WNT8A: variants seen among roughly 807,000 people sequenced by gnomAD.
WNT8A encodes the protein protein Wnt-8a.
WNT8A carries 14 observed loss-of-function variants against 20.5 expected under a neutral mutation model. The observed-to-expected ratio is 0.68, with a 90% CI of 0.45 to 1.07. The LOEUF (loss-of-function observed/expected upper bound fraction) is 1.07, where lower values mean the gene tolerates loss of function less well. Ranked by LOEUF, WNT8A falls within the 50% of genes least tolerant of loss-of-function variation. The pLI is 0.00. For missense variants in WNT8A, 397 were observed against 462.9 expected (o/e 0.86, Z 1.31); for synonymous variants, 167 against 169.2 (o/e 0.99, Z 0.10).
intron 2 of WNT8A, among the ~76,000 whole-genome samples, chr5:138,086,945 C>T (rs1750684463): frequency 6.6e-6 from 1 of 151,062 alleles, no homozygotes; most frequent in Non-Finnish European, 1.5e-5. Context: ...ACTCAGGAGG[C>T]TGAGGCACGA....
intron 2 of WNT8A, 89 bp downstream of exon 2, chr5:138,084,725 C>T (rs1274788079): frequency 2.8e-6 from 4 of 1,412,854 alleles, no homozygotes; most frequent in Admixed American, 2.6e-5. Flanking sequence ...ACATGTATTG[C>T]ACAGTGAAAT....
At chr5:138,088,689 C>G (rs1042885297) in intron 3 of WNT8A, among the ~76,000 whole-genome samples, 1 of 152,088 alleles carries the variant, frequency 6.6e-6, no homozygotes, top group Non-Finnish European at 1.5e-5. Context: ...CATCTGTTAG[C>G]CCCCAGTGTA....
downstream of WNT8A, chr5:138,091,662 C>T (rs1011052864): frequency 3.0e-5 from 15 of 506,752 alleles, no homozygotes; most frequent in Non-Finnish European, 4.1e-5. Flanking sequence ...ACCATCTCTA[C>T]ACAAAATTTA....
upstream of WNT8A, among the ~76,000 whole-genome samples, chr5:138,083,038 T>C (rs552866439): frequency 6.6e-6 from 1 of 152,186 alleles, no homozygotes; most frequent in African/African-American, 2.4e-5. Context: ...TCCCAGCATT[T>C]TGGGAGGCCA....
chr5:138,091,434 A>C lies in WNT8A; in HGVS notation c.*361A>C. The C allele has an allele frequency of 7.4e-7, 1 of 1,359,854 alleles. No homozygotes were observed. The highest frequency in any genetic ancestry group is 2.1e-4 in the Middle Eastern group (1 of 4,806). 84.2% of individuals were successfully genotyped at this position (1,359,854 alleles called of 1,614,324 possible). On this transcript the variant is annotated 3_prime_UTR_variant, in exon 5 of 5. Coordinates refer to ENST00000506684, the MANE Select transcript of WNT8A (RefSeq NM_001300939.2). ...TCCTTTAAATTTCAGACCATGTCCA[A>C]CCCAGCTGTGCTGCTGGGAATCAGG...
intron 4 of WNT8A, among the ~76,000 whole-genome samples, chr5:138,089,716 C>G (rs1467669262): frequency 6.6e-6 from 1 of 152,192 alleles, no homozygotes; most frequent in Non-Finnish European, 1.5e-5. Context: ...GGCTGAAGTG[C>G]AGTGGTGCCA....
At chr5:138,077,624 A>G in the WNT8A span, among the ~76,000 whole-genome samples, 1 of 152,198 alleles carries the variant, frequency 6.6e-6, no homozygotes, top group South Asian at 2.1e-4. Flanking sequence ...TCTGTGTCCT[A>G]TCCAGAGATG....
upstream of WNT8A, among the ~76,000 whole-genome samples, chr5:138,079,526 T>C (rs544969404): frequency 9.2e-4 from 140 of 152,154 alleles, no homozygotes; most frequent in Middle Eastern, 6.8e-3. Flanking sequence ...CAAGTCTACA[T>C]TGGCAGTTTG....
intron 2 of WNT8A, among the ~76,000 whole-genome samples, chr5:138,085,062 G>A (rs746863804): frequency 2.6e-5 from 4 of 151,960 alleles, no homozygotes; most frequent in African/African-American, 4.8e-5. Context: ...TCAGCCTCCC[G>A]AGTAGCTGGG....
At chr5:138,082,695 T>C (rs953934843), upstream of WNT8A, among the ~76,000 whole-genome samples, 1 of 151,420 alleles carries the variant, frequency 6.6e-6, no homozygotes, top group Non-Finnish European at 1.5e-5. Flanking sequence ...CCGGCCAACA[T>C]GGTGAAACCC....
At chr5:138,092,329 T>C (rs1471027978), downstream of WNT8A, 1 of 152,170 alleles carries the variant, frequency 6.6e-6, no homozygotes, top group African/African-American at 2.4e-5. Flanking sequence ...CAATACAGAC[T>C]CCCAGAATTA....
At chr5:138,082,833 T>G (rs536640948), upstream of WNT8A, among the ~76,000 whole-genome samples, 1 of 151,058 alleles carries the variant, frequency 6.6e-6, no homozygotes, top group South Asian at 2.1e-4. Flanking sequence ...GCCGAGATCA[T>G]GCCACTGCAC....
rs780726900 is a variant in WNT8A at position 138,090,620 on chromosome 5, C to G, written c.657C>G (p.Phe219Leu). 1 of 1,614,144 alleles carries G rather than the reference C, an allele frequency of 6.2e-7. No homozygotes were observed. The highest frequency in any genetic ancestry group is 8.5e-7 in the Non-Finnish European group (1 of 1,180,030). Residue 219 changes from phenylalanine (F) to leucine (L), a missense_variant, in exon 5 of 5, where the codon TTC becomes TTG. Physicochemically the swap from Phe to Leu is conservative, Grantham distance 22 (BLOSUM62 0). Transcript: ENST00000506684. ...CATGCTGGCTGCAGCTGGCTGAATT[C>G]CGGGAGATGGGAGACTACCTAAAGG... ...IQTCWLQLAEFREMGDYLKAK... is the reference protein window; with the variant it reads ...IQTCWLQLAELREMGDYLKAK...
At chr5:138,089,375 A>G (rs563766846) in intron 4 of WNT8A, among the ~76,000 whole-genome samples, 3 of 152,126 alleles carry the variant, frequency 2.0e-5, no homozygotes, top group East Asian at 1.9e-4. Flanking sequence ...CCTTGCTTCT[A>G]TGACTTAAAT....
chr5:138,087,901 G>A lies in WNT8A; in HGVS notation c.391G>A (p.Gly131Ser), dbSNP rs1750723214. 8.1e-6 allele frequency: 13 copies of A among 1,613,972 alleles called. No individual in the cohort carries two copies. The highest frequency in any genetic ancestry group is 1.0e-5 in the Non-Finnish European group (12 of 1,179,918). ...TAGCATGGGTGACTTCGAAAACTGTGGCTGTGATGGGTCAAACAATGGAAA... is the reference window on the plus strand; with the variant it reads ...TAGCATGGGTGACTTCGAAAACTGTAGCTGTGATGGGTCAAACAATGGAAA... ...NCSMGDFENCGCDGSNNGKTG... is the reference protein window; with the variant it reads ...NCSMGDFENCSCDGSNNGKTG... Residue 131 changes from glycine (G) to serine (S), a missense_variant, in exon 3 of 5, where the codon GGC becomes AGC. Transcript: ENST00000506684.
the WNT8A span, among the ~76,000 whole-genome samples, chr5:138,077,885 A>G: frequency 2.0e-5 from 3 of 152,064 alleles, no homozygotes; most frequent in Non-Finnish European, 4.4e-5. Context: ...AAAGAAACAT[A>G]CTTGGCAACA....
intron 3 of WNT8A, among the ~76,000 whole-genome samples, chr5:138,088,349 T>C (rs1019018188): frequency 4.7e-5 from 7 of 149,420 alleles, no homozygotes; most frequent in African/African-American, 1.5e-4. Flanking sequence ...ATGTTTGAGC[T>C]GCAGTGAACC....
chr5:138,081,237 A>G (rs576975507), upstream of WNT8A, among the ~76,000 whole-genome samples: 4 of 152,202 alleles, frequency 2.6e-5, no homozygotes, highest in African/African-American at 7.2e-5. Context: ...AAAAAAAAAA[A>G]AAAAAGAAAA....
At chr5:138,081,241 A>G (rs1227923159), upstream of WNT8A, among the ~76,000 whole-genome samples, 1 of 141,650 alleles carries the variant, frequency 7.1e-6, no homozygotes, top group East Asian at 2.1e-4. Context: ...AAAAAAAAAA[A>G]AGAAAAACTA....
Sources: allele counts gnomAD v4.1 joint callset (sites outside exome capture counted in the v4.1 genomes callset), GRCh38; gene constraint gnomAD v4.1.1; transcripts MANE v1.5; gene names NCBI Gene and HGNC (gene_info 2026-07-23, HGNC 2026-07-21).